Variants in FAT3 observed in about 807,000 individuals in gnomAD.
FAT3 encodes protocadherin Fat 3.
Under a neutral mutation model 310.2 loss-of-function variants are expected in FAT3, and 95 were observed. The ratio of observed to expected loss-of-function variants is 0.31; its 90% CI spans 0.26 to 0.36. The LOEUF is 0.36. Ranked by LOEUF, FAT3 falls within the 10% of genes least tolerant of loss-of-function variation. FAT3 has a pLI of 1.00. For synonymous variants in FAT3, 2,314 were observed against 2,192.9 expected (o/e 1.06, Z -1.54); for missense variants, 5,408 against 5,715.6 (o/e 0.95, Z 1.74).
intron 22 of FAT3, among the ~76,000 whole-genome samples, chr11:92,876,481 G>A (rs1949538587): frequency 6.6e-6 from 1 of 152,210 alleles, no homozygotes; most frequent in South Asian, 2.1e-4. Flanking sequence ...CTGGCCTTCT[G>A]TAGACATAGC....
intron 3 of FAT3, among the ~76,000 whole-genome samples, chr11:92,585,704 A>G (rs1201550389): frequency 1.3e-5 from 2 of 152,022 alleles, no homozygotes; most frequent in African/African-American, 4.8e-5. Flanking sequence ...TAACAGTTTC[A>G]GGATTCAAAC....
At chr11:92,819,760 G>A (rs957476357) in intron 13 of FAT3, among the ~76,000 whole-genome samples, 6 of 152,134 alleles carry the variant, frequency 3.9e-5, no homozygotes, top group African/African-American at 1.2e-4. Flanking sequence ...GTAAGTAGAG[G>A]CAGGTACAAC....
Position 92,776,694 on chromosome 11 carries a change from C to A in FAT3, c.4335+2514C>A, listed in dbSNP as rs375510373. Among the ~76,000 whole-genome samples, 3 of 152,166 alleles carry A rather than the reference C, an allele frequency of 2.0e-5. No individual in the cohort carries two copies. The South Asian group carries it at 6.2e-4, about 32-fold the overall frequency. On this transcript the variant is annotated intron_variant, in intron 7 of 27. Transcript: ENST00000525166. ...GAGAATTAGGTGAACTTTGAGGCAC[C>A]TTTTGGTAGGGCCAAGATAAGGAAG...
intron 13 of FAT3, among the ~76,000 whole-genome samples, chr11:92,810,721 A>G (rs1027344422): frequency 6.6e-6 from 1 of 152,182 alleles, no homozygotes; most frequent in African/African-American, 2.4e-5. Context: ...ACTTTACATA[A>G]TGAGATGGTG....
At chr11:92,647,971 C>T (rs1942227296) in intron 3 of FAT3, among the ~76,000 whole-genome samples, 1 of 152,032 alleles carries the variant, frequency 6.6e-6, no homozygotes, top group Admixed American at 6.6e-5. Flanking sequence ...CACTAGTAGA[C>T]CTGGATTTCA....
At chr11:92,705,662 TG>T (rs1944298662) in intron 4 of FAT3, among the ~76,000 whole-genome samples, 1 of 60,400 alleles carries the variant, frequency 1.7e-5, no homozygotes, top group Non-Finnish European at 3.1e-5. Context: ...GTGATGGTGG[TG>T]TGATGGTGTA....
intron 5 of FAT3, among the ~76,000 whole-genome samples, 187 bp downstream of exon 5, chr11:92,762,357 C>G (rs560135238): frequency 6.6e-6 from 1 of 152,116 alleles, no homozygotes; most frequent in African/African-American, 2.4e-5. Flanking sequence ...TCTTAAATGA[C>G]GAGACAATTT....
chr11:92,228,601 G>A (rs769094238), intron 1 of FAT3, among the ~76,000 whole-genome samples: 2 of 152,178 alleles, frequency 1.3e-5, no homozygotes, highest in African/African-American at 2.4e-5. Flanking sequence ...GAAAGAAGTA[G>A]GCAATTACCA....
At chr11:92,441,864 T>G (rs1951070893) in intron 2 of FAT3, among the ~76,000 whole-genome samples, 1 of 151,592 alleles carries the variant, frequency 6.6e-6, no homozygotes, top group South Asian at 2.1e-4. Flanking sequence ...CATCAACTTC[T>G]TGCAAATGGT....
At chr11:92,504,032 A>G (rs1405984110) in intron 2 of FAT3, among the ~76,000 whole-genome samples, 1 of 152,178 alleles carries the variant, frequency 6.6e-6, no homozygotes, top group Non-Finnish European at 1.5e-5. Flanking sequence ...ATTGTTCCAA[A>G]TCAGAGCCCT....
At chr11:92,886,086 T>C (rs1443369399) in intron 24 of FAT3, among the ~76,000 whole-genome samples, 1 of 152,234 alleles carries the variant, frequency 6.6e-6, no homozygotes, top group East Asian at 1.9e-4. Context: ...TTCCTGGTGA[T>C]CACTGCCCTC....
chr11:92,342,193 T>C (rs552581161), intron 1 of FAT3, among the ~76,000 whole-genome samples: 1 of 152,316 alleles, frequency 6.6e-6, no homozygotes, highest in African/African-American at 2.4e-5. Flanking sequence ...GGATGTCTTA[T>C]CATTTGTTAC....
intron 1 of FAT3, among the ~76,000 whole-genome samples, chr11:92,244,354 C>A (rs1448803041): frequency 1.3e-5 from 2 of 152,034 alleles, no homozygotes; most frequent in Admixed American, 1.3e-4. Context: ...AAAACAACAA[C>A]TAATTCTTTA....
chr11:92,585,037 G>T (rs1939058814), intron 3 of FAT3, among the ~76,000 whole-genome samples: 1 of 151,900 alleles, frequency 6.6e-6, no homozygotes, highest in Non-Finnish European at 1.5e-5. Context: ...AAAAAAAAAT[G>T]TAACATCCTG....
chr11:92,892,882 A>G lies in FAT3; in HGVS notation c.*1769A>G, dbSNP rs890801563. ...CATTCCACTGGAAATATAACAATCC[A>G]GTCCTCAAAACTGAAAGTTGACAGG... On this transcript the variant is annotated 3_prime_UTR_variant, in exon 28 of 28. Coordinates refer to ENST00000525166, the MANE Select transcript of FAT3 (RefSeq NM_001367949.2). 1 of 152,190 alleles carries G rather than the reference A, an allele frequency of 6.6e-6. No individual in the cohort carries two copies. Among genetic ancestry groups the G allele is most frequent in the African/African-American group, 2.4e-5 (1 of 41,446 alleles). 9.4% of individuals were successfully genotyped at this position (152,190 alleles called of 1,614,324 possible).
At chr11:92,598,745 G>T (rs930456889) in intron 3 of FAT3, among the ~76,000 whole-genome samples, 3 of 152,302 alleles carry the variant, frequency 2.0e-5, no homozygotes, top group Admixed American at 6.5e-5. Context: ...GTCTGTAGTT[G>T]AGGCCTGGCT....
rs149366249 is a variant in FAT3 at position 92,601,847 on chromosome 11, A to G, written c.3607+76899A>G. Among the ~76,000 whole-genome samples, 1,155 of 152,232 alleles carry G rather than the reference A, an allele frequency of 7.6e-3. 19 individuals are homozygous for G. Among genetic ancestry groups the G allele is most frequent in the African/African-American group, 0.026 (1,085 of 41,524 alleles). ...GGCTTGATTCCCTCTGAAAGTTCAC[A>G]TTAAAAAAAATAGCAGTGCAGCCAG... is the stretch of plus-strand genomic sequence containing the variant. On this transcript the variant is annotated intron_variant, in intron 3 of 27. Transcript: ENST00000525166.
chr11:92,576,631 G>T (rs1320740651), intron 3 of FAT3, among the ~76,000 whole-genome samples: 2 of 152,104 alleles, frequency 1.3e-5, no homozygotes, highest in African/African-American at 4.8e-5. Context: ...TACCTCCTCT[G>T]ACAGCCAGCA....
chr11:92,597,400 A>G (rs1939766429), intron 3 of FAT3, among the ~76,000 whole-genome samples: 1 of 152,192 alleles, frequency 6.6e-6, no homozygotes, highest in African/African-American at 2.4e-5. Flanking sequence ...GATTCAGAGA[A>G]CCAATGAACG....
Sources: gnomAD v4.1 joint callset for allele counts (sites outside exome capture counted in the v4.1 genomes callset) on GRCh38, gnomAD v4.1.1 for gene constraint, MANE v1.5 for transcripts, NCBI Gene and HGNC (gene_info 2026-07-23, HGNC 2026-07-21) for gene names.